The following KIF3A variants were observed in gnomAD, a reference collection of about 807,000 sequenced individuals.
The protein encoded by KIF3A is kinesin-like protein KIF3A.
KIF3A carries 27 observed loss-of-function variants against 92.6 expected under a neutral mutation model. The observed-to-expected ratio is 0.29, with a 90% CI of 0.21 to 0.40. The LOEUF is 0.40. KIF3A is among the 10% of genes least tolerant of loss of function. The pLI is 1.00. For missense variants in KIF3A, 581 were observed against 872.6 expected, an observed-to-expected ratio of 0.67 and a Z score of 4.21; for synonymous variants, 250 against 275.4, an observed-to-expected ratio of 0.91 and a Z score of 0.92.
At chr5:132,735,408 G>A (rs923341620) in intron 1 of KIF3A, among the ~76,000 whole-genome samples, 1 of 152,216 alleles carries the variant, frequency 6.6e-6, no homozygotes, top group Non-Finnish European at 1.5e-5. Context: ...AAAATATAAT[G>A]AAACACAATC....
rs991605673 is a variant in KIF3A, at chr5:132,737,505, T to C, written c.-86A>G. 7 of 1,488,740 alleles carry C rather than the reference T, an allele frequency of 4.7e-6. No homozygotes were observed. The highest frequency in any genetic ancestry group is 3.8e-5 in the Admixed American group (2 of 52,722). The allele number at this position is 1,488,740 out of a possible 1,614,324, so 92.2% of individuals were successfully genotyped here. On this transcript the variant is annotated 5_prime_UTR_variant, in exon 1 of 19. Coordinates refer to ENST00000403231, the MANE Select transcript of KIF3A (RefSeq NM_001300791.2). ...GTGCGCAGAAAGGATGGCCAGAGAC[T>C]ACCGAAACACCTCGTTGACGCTCTC...
chr5:132,713,880 T>C lies in KIF3A; in HGVS notation c.1129+1877A>G, dbSNP rs192786804. Among the ~76,000 whole-genome samples, 281 of 149,652 alleles carry C rather than the reference T, an allele frequency of 1.9e-3. 2 individuals are homozygous for C. Among genetic ancestry groups the C allele is most frequent in the African/African-American group, 6.6e-3 (271 of 41,026 alleles). Reference sequence around the variant, plus strand: ...CAGTCACAAAAAGACAAATGCTGTATTTCACTTTCTTTTTTTTTTTTTTTT... The same window carrying C: ...CAGTCACAAAAAGACAAATGCTGTACTTCACTTTCTTTTTTTTTTTTTTTT... On this transcript the variant is annotated intron_variant, in intron 8 of 18. Coordinates refer to ENST00000403231, the MANE Select transcript of KIF3A (RefSeq NM_001300791.2).
chr5:132,718,391 C>T (rs145666859), intron 5 of KIF3A, among the ~76,000 whole-genome samples: 2,284 of 152,214 alleles, frequency 0.015, 55 homozygotes, highest in African/African-American at 0.052. Context: ...CTCACTGCAA[C>T]CTCCACCTCC....
In KIF3A at chr5:132,706,628, C is replaced by A. The variant is rs566457971; in HGVS notation, c.1301-169G>T. ...AACCGTTATCAAAACTGAAATAGAG[C>A]CCATGTAAAAAGAAAGCATATTCAA... On this transcript the variant is annotated intron_variant, in intron 10 of 18. Transcript: ENST00000403231. 2.6e-5 allele frequency among the ~76,000 whole-genome samples: 4 copies of A among 152,088 alleles called. 1 individual carries two copies. In the South Asian group the frequency reaches 8.3e-4, roughly 32 times the overall value.
intron 5 of KIF3A, among the ~76,000 whole-genome samples, chr5:132,719,297 GTTC>G (rs1753746083): frequency 6.6e-6 from 1 of 152,084 alleles, no homozygotes; most frequent in Non-Finnish European, 1.5e-5. Context: ...GCTGTGCTTA[GTTC>G]TTCTACGAAT....
intron 4 of KIF3A, among the ~76,000 whole-genome samples, chr5:132,725,808 T>C (rs974511793): frequency 6.6e-6 from 1 of 152,174 alleles, no homozygotes; most frequent in African/African-American, 2.4e-5. Context: ...TTACTCTACA[T>C]ACATTATTCT....
At chr5:132,709,258 G>A (rs777562254) in intron 9 of KIF3A, among the ~76,000 whole-genome samples, 2 of 152,110 alleles carry the variant, frequency 1.3e-5, no homozygotes, top group Non-Finnish European at 2.9e-5. Flanking sequence ...ATCATTCAAA[G>A]GGTTGAAATG....
intron 18 of KIF3A, 81 bp from the exon 19 acceptor site, chr5:132,696,763 A>G (rs1752852796): frequency 9.1e-7 from 1 of 1,096,190 alleles, no homozygotes; most frequent in African/African-American, 1.5e-5. Flanking sequence ...TATAGAAACT[A>G]TGGGGTGGCC....
intron 1 of KIF3A, 49 bp downstream of exon 1, chr5:132,737,365 A>T (rs776048743): frequency 6.3e-7 from 1 of 1,580,248 alleles, no homozygotes; most frequent in African/African-American, 1.4e-5. Context: ...CCCCCGGGCC[A>T]GGCCGCTAGG....
chr5:132,733,749 A>G (rs1425897434), intron 2 of KIF3A, among the ~76,000 whole-genome samples: 1 of 152,254 alleles, frequency 6.6e-6, no homozygotes, highest in African/African-American at 2.4e-5. Flanking sequence ...TGGGCAACAG[A>G]GCAAGACCCT....
In KIF3A at chr5:132,737,483, C is replaced by A; in HGVS notation, c.-64G>T. 6.3e-7 allele frequency: 1 copy of A among 1,582,300 alleles called. No individual in the cohort carries two copies. The highest frequency in any genetic ancestry group is 1.1e-5 in the South Asian group (1 of 87,802). On this transcript the variant is annotated 5_prime_UTR_variant, in exon 1 of 19. Coordinates refer to ENST00000403231, the MANE Select transcript of KIF3A (RefSeq NM_001300791.2). ...GGGTGCAGCCCAGCGACACCGGGTGCGCAGAAAGGATGGCCAGAGACTACC... is the reference window on the plus strand; with the variant it reads ...GGGTGCAGCCCAGCGACACCGGGTGAGCAGAAAGGATGGCCAGAGACTACC...
chr5:132,726,153 C>T lies in KIF3A; in HGVS notation c.485G>A (p.Gly162Asp). The T allele has an allele frequency of 1.2e-6, 2 of 1,611,556 alleles. No individual in the cohort carries two copies. Among genetic ancestry groups the T allele is most frequent in the Non-Finnish European group, 8.5e-7 (1 of 1,178,778 alleles). Residue 162 changes from glycine (G) to aspartate (D), a missense_variant, in exon 4 of 19, where the codon GGC becomes GAC. By Grantham distance (94) the Gly-to-Asp change is moderately conservative. Transcript: ENST00000403231. ...IYNEEVRDLLGKDQTQRLEVK... is the reference protein window; with the variant it reads ...IYNEEVRDLLDKDQTQRLEVK... Reference sequence around the variant, plus strand: ...CTCTAACCTTTGTGTCTGATCCTTGCCCAAAAGGTCACGAACTTCTTCATT... The same window carrying T: ...CTCTAACCTTTGTGTCTGATCCTTGTCCAAAAGGTCACGAACTTCTTCATT...
chr5:132,732,432 T>C (rs184203416), intron 2 of KIF3A, among the ~76,000 whole-genome samples: 150 of 152,328 alleles, frequency 9.8e-4, no homozygotes, highest in Admixed American at 1.8e-3. Flanking sequence ...AACTAATAAA[T>C]GGATAAACAA....
intron 1 of KIF3A, among the ~76,000 whole-genome samples, chr5:132,736,449 G>A (rs972146425): frequency 6.6e-6 from 1 of 152,088 alleles, no homozygotes; most frequent in Non-Finnish European, 1.5e-5. Context: ...TGTGTCTTAC[G>A]TCTGTAAATA....
chr5:132,715,982 A>C lies in KIF3A; in HGVS notation c.955-51T>G, dbSNP rs540086968. On this transcript the variant is annotated intron_variant, in intron 7 of 18. Transcript: ENST00000403231. ...ATCATTTTACACTTGACAGAGTTAA[A>C]ATTAATACTACCATTACAAATACAT... 1.1e-5 allele frequency: 14 copies of C among 1,266,678 alleles called. No homozygotes were observed. In the African/African-American group the frequency reaches 2.1e-4, roughly 19 times the overall value. The allele number at this position is 1,266,678 out of a possible 1,614,324, so 78.5% of individuals were successfully genotyped here.
chr5:132,726,085 A>G (rs377395240), intron 4 of KIF3A, 43 bp downstream of exon 4: 15 of 1,392,734 alleles, frequency 1.1e-5, no homozygotes, highest in Non-Finnish European at 1.5e-5. Flanking sequence ...CAAATATTCT[A>G]TTGCTTTGGA....
Position 132,696,253 on chromosome 5 carries a change from A to T in KIF3A, c.*381T>A, listed in dbSNP as rs1452590452. ...TCTGATCTGCTTCTTTCTATGTGCA[A>T]AACAGGACACAGTTTTTTTTTTTCT... is the stretch of plus-strand genomic sequence containing the variant. On this transcript the variant is annotated 3_prime_UTR_variant, in exon 19 of 19. Transcript: ENST00000403231. The T allele has an allele frequency of 6.5e-6, 1 of 154,542 alleles. No individual in the cohort carries two copies. Among genetic ancestry groups the T allele is most frequent in the African/African-American group, 2.5e-5 (1 of 39,382 alleles). The allele number at this position is 154,542 out of a possible 1,614,324, so 9.6% of individuals were successfully genotyped here.
At chr5:132,735,757 T>A (rs1466939229) in intron 1 of KIF3A, among the ~76,000 whole-genome samples, 1 of 152,218 alleles carries the variant, frequency 6.6e-6, no homozygotes, top group Admixed American at 6.5e-5. Context: ...GTCACTCTCC[T>A]ACTTAAAAAT....
chr5:132,703,190 G>T, intron 12 of KIF3A, 125 bp from the exon 13 acceptor site: 1 of 807,992 alleles, frequency 1.2e-6, no homozygotes, highest in Non-Finnish European at 1.9e-6. Flanking sequence ...TAACATCTCT[G>T]CCAAATTACA....
Sources: gnomAD v4.1 joint callset for allele counts (sites outside exome capture counted in the v4.1 genomes callset) on GRCh38, gnomAD v4.1.1 for gene constraint, MANE v1.5 for transcripts, NCBI Gene and HGNC (gene_info 2026-07-23, HGNC 2026-07-21) for gene names.